Variants in LPP observed in about 807,000 individuals in gnomAD.
LPP encodes lipoma-preferred partner.
Under a neutral mutation model 60.4 loss-of-function variants are expected in LPP, and 38 were observed. That is an observed-to-expected ratio of 0.63 (90% CI 0.49 to 0.83). LPP has a LOEUF of 0.83. Ranked by LOEUF, LPP falls within the 40% of genes least tolerant of loss-of-function variation. LPP has a pLI of 0.00. For missense variants in LPP, 902 were observed against 783.6 expected (o/e 1.15, Z -1.80); for synonymous variants, 328 against 290.8 (o/e 1.13, Z -1.30).
chr3:188,669,192 C>T (rs1165496118), intron 7 of LPP, among the ~76,000 whole-genome samples: 1 of 151,916 alleles, frequency 6.6e-6, no homozygotes, highest in Non-Finnish European at 1.5e-5. Flanking sequence ...TCATGTTCAC[C>T]CTGAGATTGG....
At chr3:188,850,280 G>A (rs1762414660) in intron 9 of LPP, among the ~76,000 whole-genome samples, 1 of 152,166 alleles carries the variant, frequency 6.6e-6, no homozygotes, top group Admixed American at 6.5e-5. Context: ...AAAATATTTA[G>A]TGGGCAAAAT....
chr3:188,589,988 AT>A (rs1185855875), intron 6 of LPP, among the ~76,000 whole-genome samples: 1 of 152,080 alleles, frequency 6.6e-6, no homozygotes, highest in Non-Finnish European at 1.5e-5. Context: ...GTCATGTCTA[AT>A]TTTTGTTTAC....
At chr3:188,195,464 A>G (rs940033455) in intron 1 of LPP, among the ~76,000 whole-genome samples, 2 of 152,236 alleles carry the variant, frequency 1.3e-5, no homozygotes, top group African/African-American at 4.8e-5. Context: ...GAATTTCTCA[A>G]TGAAGTGGCA....
intron 2 of LPP, among the ~76,000 whole-genome samples, chr3:188,265,053 A>T (rs1735002569): frequency 6.6e-6 from 1 of 152,052 alleles, no homozygotes; most frequent in South Asian, 2.1e-4. Context: ...CCACTTTCTG[A>T]CTCAAAGCAG....
At chr3:188,797,131 C>CCTT (rs1745615172) in intron 9 of LPP, among the ~76,000 whole-genome samples, 1 of 151,698 alleles carries the variant, frequency 6.6e-6, no homozygotes, top group Non-Finnish European at 1.5e-5. Context: ...TCCTCCTCCT[C>CCTT]CTCCTCCTCT....
In LPP at chr3:188,609,613, A is replaced by G; in HGVS notation, c.882A>G (p.Gly294=). The G allele has an allele frequency of 1.2e-6, 2 of 1,614,146 alleles. No homozygotes were observed. Among genetic ancestry groups the G allele is most frequent in the South Asian group, 1.1e-5 (1 of 91,072 alleles). ...GGTATGGGTATGCCCCCAACCAGGG[A>G]CGCTATTATGAAGGCTACTATGCAG... ...EPGYGYAPNQ[G]RYYEGYYAAG... is the part of the protein sequence containing the mutation. Residue 294 remains glycine, a synonymous_variant, in exon 7 of 12, where the codon GGA becomes GGG. Coordinates refer to ENST00000617246, the MANE Select transcript of LPP (RefSeq NM_001375462.1). The surrounding 1 kb of genome is among the most constrained non-coding windows in gnomAD (Gnocchi z 6.9).
At chr3:188,523,477 C>A (rs28592126) in intron 5 of LPP, among the ~76,000 whole-genome samples, 3 of 152,148 alleles carry the variant, frequency 2.0e-5, no homozygotes, top group Non-Finnish European at 2.9e-5. Context: ...CTAGGGCATA[C>A]GGAACTAGTG....
chr3:188,195,219 A>T (rs1729196663), intron 1 of LPP, among the ~76,000 whole-genome samples: 1 of 152,028 alleles, frequency 6.6e-6, no homozygotes, highest in African/African-American at 2.4e-5. Context: ...AGATTGCGCC[A>T]TTGCACTCCA....
intron 2 of LPP, among the ~76,000 whole-genome samples, chr3:188,228,790 G>C (rs533486619): frequency 8.6e-5 from 13 of 152,022 alleles, no homozygotes; most frequent in Non-Finnish European, 1.8e-4. Context: ...TTATTTTTTT[G>C]ATCTGAGAAT....
chr3:188,439,313 G>A (rs1793183370), intron 4 of LPP, among the ~76,000 whole-genome samples: 1 of 152,178 alleles, frequency 6.6e-6, no homozygotes, highest in South Asian at 2.1e-4. Context: ...TCACCAACCA[G>A]TCCCCATGTA....
chr3:188,240,519 T>C (rs1723986260), intron 2 of LPP, among the ~76,000 whole-genome samples: 2 of 152,298 alleles, frequency 1.3e-5, no homozygotes, highest in African/African-American at 4.8e-5. Flanking sequence ...CTGCTTTATT[T>C]TGTAGGGAAG....
chr3:188,764,412 CT>C (rs1223716575), intron 9 of LPP, among the ~76,000 whole-genome samples: 1 of 151,254 alleles, frequency 6.6e-6, no homozygotes, highest in Non-Finnish European at 1.5e-5. Flanking sequence ...TTTATCATTG[CT>C]TTTTTTTTCC....
chr3:188,620,816 T>C (rs1232193327), intron 7 of LPP, among the ~76,000 whole-genome samples: 1 of 152,238 alleles, frequency 6.6e-6, no homozygotes, highest in African/African-American at 2.4e-5. Context: ...CATTTGATTT[T>C]ATTCATATTA....
Position 188,426,729 on chromosome 3 carries a change from CTT to C in LPP, c.193+20418_193+20419del, listed in dbSNP as rs997691355. Among the ~76,000 whole-genome samples the C allele has an allele frequency of 6.3e-4, 96 of 152,034 alleles. 1 individual carries two copies. Among genetic ancestry groups the C allele is most frequent in the African/African-American group, 2.2e-3 (92 of 41,446 alleles). Reference sequence around the variant, plus strand: ...TAATGGCCTTCTTTGTCTTTTTTATCTTTGTTGGTTTAATGTCTGTTTTATCA... The same window carrying C: ...TAATGGCCTTCTTTGTCTTTTTTATCTGTTGGTTTAATGTCTGTTTTATCA... On this transcript the variant is annotated intron_variant, in intron 4 of 11. Transcript: ENST00000617246.
In LPP at chr3:188,818,343, A is replaced by G. The variant is rs116571814; in HGVS notation, c.1411-47857A>G. Among the ~76,000 whole-genome samples the G allele has an allele frequency of 8.9e-3, 1,359 of 152,206 alleles. 24 individuals carry two copies. The highest frequency in any genetic ancestry group is 0.03 in the African/African-American group (1,240 of 41,514). On this transcript the variant is annotated intron_variant, in intron 9 of 11. Coordinates refer to ENST00000617246, the MANE Select transcript of LPP (RefSeq NM_001375462.1). ...GATAGTATGTATCCTCAGTTTATTG[A>G]GGTTCAAGCTCTTCTGAGTATTATA...
intron 9 of LPP, among the ~76,000 whole-genome samples, chr3:188,780,762 T>C (rs1052059888): frequency 2.0e-5 from 3 of 152,186 alleles, no homozygotes; most frequent in Non-Finnish European, 4.4e-5. Context: ...TGTTTCTGGA[T>C]CCATGTCTTT....
intron 1 of LPP, among the ~76,000 whole-genome samples, chr3:188,192,295 C>G (rs1728398564): frequency 6.6e-6 from 1 of 152,112 alleles, no homozygotes; most frequent in Admixed American, 6.6e-5. Flanking sequence ...AGATCATGGG[C>G]AAGAACACCA....
intron 7 of LPP, among the ~76,000 whole-genome samples, chr3:188,704,632 TA>T (rs1428090159): frequency 6.6e-6 from 1 of 152,202 alleles, no homozygotes; most frequent in African/African-American, 2.4e-5. Flanking sequence ...AACACTCTTC[TA>T]AAAACACTTA....
At chr3:188,241,301 C>G (rs9863680) in intron 2 of LPP, among the ~76,000 whole-genome samples, 76,242 of 152,104 alleles carry the variant, frequency 0.5, 19,649 homozygotes, top group Middle Eastern at 0.63. Context: ...TCCTGCATGA[C>G]TGGGTATAAA....
Sources: gnomAD v4.1 joint callset for allele counts (sites outside exome capture counted in the v4.1 genomes callset) on GRCh38, gnomAD v4.1.1 for gene constraint, Gnocchi (gnomAD v3.1) non-coding constraint, MANE v1.5 for transcripts, NCBI Gene and HGNC (gene_info 2026-07-23, HGNC 2026-07-21) for gene names.